MEIOSIN: variants seen among roughly 807,000 people sequenced by gnomAD.
The protein encoded by MEIOSIN is meiosis initiator, also known as meiosis initiator protein.
In MEIOSIN, 18 loss-of-function variants were observed where a neutral mutation model predicts 23.4. That is an observed-to-expected ratio of 0.77 (90% CI 0.53 to 1.14). MEIOSIN has a LOEUF of 1.14. Among genes scored for constraint, MEIOSIN ranks in the 50% most tolerant of loss-of-function variants. The probability of loss-of-function intolerance (pLI) is 0.00; values close to 1 mark genes in which losing one functional copy is unlikely to be tolerated. For missense variants in MEIOSIN, 428 were observed against 242.9 expected, an observed-to-expected ratio of 1.76 and a Z score of -5.07; for synonymous variants, 187 against 100.6, an observed-to-expected ratio of 1.86 and a Z score of -5.14.
chr19:45,762,865 C>T (rs1437391391), intron 13 of MEIOSIN, among the ~76,000 whole-genome samples: 1 of 152,250 alleles, frequency 6.6e-6, no homozygotes, highest in African/African-American at 2.4e-5. Context: ...CACCCAGTTC[C>T]TCTGTCTTCC....
chr19:45,754,554 C>G lies in MEIOSIN; in HGVS notation c.632C>G (p.Pro211Arg), dbSNP rs1167349120. 1.6e-5 allele frequency: 11 copies of G among 703,074 alleles called. No homozygotes were observed. The highest frequency in any genetic ancestry group is 2.1e-5 in the Non-Finnish European group (8 of 385,026). The allele number at this position is 703,074 out of a possible 1,614,324, so 43.6% of individuals were successfully genotyped here. A position where few individuals can be genotyped will look rare whatever the true frequency, so the allele number is the denominator to read the frequency against. ...NKPEKLVAPS[P>R]DQKGSGTGGT... ...CCTGAGAAGCTGGTGGCCCCATCCC[C>G]AGACCAGAAAGGAAGTGGCACAGGG... The change falls in exon 7 of 15, where the codon CCA becomes CGA. Residue 211 changes from proline to arginine, a missense_variant. Pro to Arg is a moderately radical substitution (Grantham distance 103, BLOSUM62 -2). Transcript: ENST00000457052.
rs1278646362 is a variant in MEIOSIN, at chr19:45,733,634, G to C, written c.-33G>C. 5 of 152,430 alleles carry C rather than the reference G, an allele frequency of 3.3e-5. No individual in the cohort carries two copies. Among genetic ancestry groups the C allele is most frequent in the Admixed American group, 2.6e-4 (4 of 15,306 alleles). The allele number at this position is 152,430 out of a possible 1,614,324, so 9.4% of individuals were successfully genotyped here. A position where few individuals can be genotyped will look rare whatever the true frequency, so the allele number is the denominator to read the frequency against. On this transcript the variant is annotated 5_prime_UTR_variant, in exon 1 of 15. Transcript: ENST00000457052. The surrounding 1 kb of genome is among the most constrained non-coding windows in gnomAD (Gnocchi z 5.7). ...GGGGCCCGGAGAAACCAGAACGGCG[G>C]GGGCAGCCTCACGCCATTTTGCACG...
rs537853098 is a variant in MEIOSIN at position 45,764,490 on chromosome 19, CTATT to C, written c.*377_*380del. ...CTCCCTCTCCTGTTCTATTTTTAGACTATTTATTGTTTTAAATAAAATAAAGCAA... is the reference window on the plus strand; with the variant it reads ...CTCCCTCTCCTGTTCTATTTTTAGACTATTGTTTTAAATAAAATAAAGCAA... On this transcript the variant is annotated 3_prime_UTR_variant, in exon 15 of 15. Coordinates refer to ENST00000457052, the MANE Select transcript of MEIOSIN (RefSeq NM_001310124.2). 3 of 190,834 alleles carry C rather than the reference CTATT, an allele frequency of 1.6e-5. No individual in the cohort carries two copies. The highest frequency in any genetic ancestry group is 1.9e-4 in the South Asian group (1 of 5,174). 11.8% of individuals were successfully genotyped at this position (190,834 alleles called of 1,614,324 possible). A position where few individuals can be genotyped will look rare whatever the true frequency, so the allele number is the denominator to read the frequency against.
At position 45,754,561 on chromosome 19, in the gene MEIOSIN, G is replaced by T. The variant is rs61729469; in HGVS notation, c.639G>T (p.Gln213His). The T allele has an allele frequency of 3.1e-4, 217 of 703,058 alleles. 1 individual carries two copies. The highest frequency in any genetic ancestry group is 3.1e-3 in the African/African-American group (176 of 57,378). The allele number at this position is 703,058 out of a possible 1,614,324, so 43.6% of individuals were successfully genotyped here. Residue 213 changes from glutamine (Q) to histidine (H), a missense_variant, in exon 7 of 15, where the codon CAG becomes CAT. Gln to His is a conservative substitution (Grantham distance 24). Transcript: ENST00000457052. ...AGCTGGTGGCCCCATCCCCAGACCA[G>T]AAAGGAAGTGGCACAGGGGGGACCA... ...PEKLVAPSPD[Q>H]KGSGTGGTTT...
chr19:45,745,383 G>A, intron 4 of MEIOSIN, 62 bp downstream of exon 4: 2 of 676,860 alleles, frequency 3.0e-6, no homozygotes, highest in Non-Finnish European at 5.4e-6. Context: ...GCAGCAAATG[G>A]GTCACCCTCT....
intron 11 of MEIOSIN, 87 bp downstream of exon 11, chr19:45,759,577 C>T: frequency 1.5e-6 from 1 of 682,430 alleles, no homozygotes; most frequent in South Asian, 1.5e-5. Context: ...TCATCCACTC[C>T]CTCACCCTTT....
intron 4 of MEIOSIN, among the ~76,000 whole-genome samples, chr19:45,749,875 G>T (rs1221711777): frequency 6.6e-6 from 1 of 150,820 alleles, no homozygotes; most frequent in Admixed American, 6.6e-5. Flanking sequence ...CTGGTGGCAC[G>T]CACCTCTAGT....
chr19:45,753,212 G>A (rs1968749889), intron 5 of MEIOSIN, among the ~76,000 whole-genome samples: 1 of 152,190 alleles, frequency 6.6e-6, no homozygotes, highest in Non-Finnish European at 1.5e-5. Context: ...AGCTAGCGCT[G>A]TAGATGAGAA....
rs371588799 is a variant in MEIOSIN, at chr19:45,734,081, G to A, written c.-1+415G>A. On this transcript the variant is annotated intron_variant, in intron 1 of 14. Coordinates refer to ENST00000457052, the MANE Select transcript of MEIOSIN (RefSeq NM_001310124.2). ...TTTGAGAGTCTGGAGCCTGATTTGG[G>A]GCAACTGAAGCCTCAGTATAGATTT... Among the ~76,000 whole-genome samples, 43 of 152,176 alleles carry A rather than the reference G, an allele frequency of 2.8e-4. No individual in the cohort carries two copies. In the South Asian group the frequency reaches 8.5e-3, roughly 30 times the overall value.
At chr19:45,760,565 C>T (rs530060330) in intron 11 of MEIOSIN, among the ~76,000 whole-genome samples, 12 of 150,600 alleles carry the variant, frequency 8.0e-5, no homozygotes, top group South Asian at 2.1e-4. Context: ...AAGATGGCAC[C>T]GTTGGACTGC....
intron 4 of MEIOSIN, among the ~76,000 whole-genome samples, chr19:45,748,677 A>C (rs1044806386): frequency 6.6e-6 from 1 of 152,212 alleles, no homozygotes; most frequent in African/African-American, 2.4e-5. Context: ...AGTAATAATA[A>C]GTAACATTTA....
chr19:45,747,516 T>C (rs538803757), intron 4 of MEIOSIN, among the ~76,000 whole-genome samples: 14 of 152,190 alleles, frequency 9.2e-5, no homozygotes, highest in African/African-American at 3.4e-4. Flanking sequence ...GCCAGAGCCA[T>C]AAAGGAGACA....
At position 45,745,252 on chromosome 19, in the gene MEIOSIN, T is replaced by C. The variant is rs1477141130; in HGVS notation, c.237T>C (p.Thr79=). The C allele has an allele frequency of 1.3e-5, 9 of 702,792 alleles. No homozygotes were observed. Among genetic ancestry groups the C allele is most frequent in the Non-Finnish European group, 2.1e-5 (8 of 385,012 alleles). 43.5% of individuals were successfully genotyped at this position (702,792 alleles called of 1,614,324 possible). ...ACAAGAAGCAGAGGAAAAACCACAC[T>C]AGCAAGCTGCAAGAGTTGGCACTGC... ...SPNKKQRKNH[T]SKLQELALLL... Residue 79 remains threonine, a synonymous_variant, in exon 4 of 15, where the codon ACT becomes ACC. Transcript: ENST00000457052.
chr19:45,742,853 C>T (rs755766834), intron 3 of MEIOSIN, among the ~76,000 whole-genome samples: 2 of 152,036 alleles, frequency 1.3e-5, no homozygotes, highest in South Asian at 2.1e-4. Context: ...CAGAACATTC[C>T]AAACAGAGAA....
At chr19:45,736,291 C>G (rs1600373023) in intron 2 of MEIOSIN, among the ~76,000 whole-genome samples, 1 of 152,306 alleles carries the variant, frequency 6.6e-6, no homozygotes, top group East Asian at 1.9e-4. Flanking sequence ...AAGTGATCCT[C>G]CTGTCTTATC....
In MEIOSIN at chr19:45,733,474, C is replaced by A. The variant is rs1450015495; in HGVS notation, c.-193C>A. The A allele has an allele frequency of 6.6e-6, 1 of 152,328 alleles. No individual in the cohort carries two copies. Among genetic ancestry groups the A allele is most frequent in the Non-Finnish European group, 1.5e-5 (1 of 68,102 alleles). 9.4% of individuals were successfully genotyped at this position (152,328 alleles called of 1,614,324 possible). On this transcript the variant is annotated 5_prime_UTR_variant, in exon 1 of 15. Transcript: ENST00000457052. This position sits in a 1 kb window ranked among gnomAD's most constrained non-coding sequence, Gnocchi z 5.7. ...TGCTCCTCACGCCTCGCGCAGGATC[C>A]TCGCGCCGGGAGGATTCGCACCCAA...
chr19:45,746,971 G>A (rs547064380), intron 4 of MEIOSIN, among the ~76,000 whole-genome samples: 6 of 152,148 alleles, frequency 3.9e-5, no homozygotes, highest in Non-Finnish European at 7.3e-5. Flanking sequence ...GTCCACGATG[G>A]TGCTAAAAAT....
chr19:45,750,482 C>T (rs1331423970), intron 4 of MEIOSIN, among the ~76,000 whole-genome samples, 193 bp from the exon 5 acceptor site: 1 of 151,616 alleles, frequency 6.6e-6, no homozygotes, highest in Non-Finnish European at 1.5e-5. Context: ...GCCTCAGCCT[C>T]TCAAGTAGCT....
At chr19:45,752,422 G>A (rs548928362) in intron 5 of MEIOSIN, among the ~76,000 whole-genome samples, 7 of 151,960 alleles carry the variant, frequency 4.6e-5, no homozygotes, top group South Asian at 4.2e-4. Flanking sequence ...TGCCGTGGTC[G>A]CCAAGCTGGT....
Sources: allele counts gnomAD v4.1 joint callset (sites outside exome capture counted in the v4.1 genomes callset), GRCh38; gene constraint gnomAD v4.1.1; non-coding constraint Gnocchi (gnomAD v3.1); transcripts MANE v1.5; gene names NCBI Gene and HGNC (gene_info 2026-07-23, HGNC 2026-07-21).